SYTL2: variants seen among roughly 807,000 people sequenced by gnomAD.
SYTL2 encodes the protein synaptotagmin-like protein 2.
SYTL2 carries 165 observed loss-of-function variants against 198.7 expected under a neutral mutation model. The observed-to-expected ratio is 0.83, with a 90% CI of 0.73 to 0.94. The LOEUF is 0.94. Among genes scored for constraint, SYTL2 ranks in the 40% least tolerant of loss-of-function variants. The pLI is 0.00. For missense variants in SYTL2, 2,835 were observed against 2,582.8 expected (o/e 1.10, Z -2.12); for synonymous variants, 966 against 917.7 (o/e 1.05, Z -0.95).
rs1229793371 is a variant in SYTL2 at position 85,727,459 on chromosome 11, T to A, written c.1899A>T (p.Pro633=). The change falls in exon 8 of 20, where the codon CCA becomes CCT. Residue 633 remains proline, a synonymous_variant. Coordinates refer to ENST00000359152, the MANE Select transcript of SYTL2 (RefSeq NM_206927.4). ...GACTTGGGGTGCCATAGCTTTCAAA[T>A]GGTTGCAATATACCTGGGCCTTCCT... The part of the protein sequence containing the change: ...TPKEGPGILQ[P]FESYGTPSQG... The A allele has an allele frequency of 6.5e-7, 1 of 1,535,982 alleles. No individual in the cohort carries two copies. Among genetic ancestry groups the A allele is most frequent in the Non-Finnish European group, 8.7e-7 (1 of 1,146,896 alleles).
chr11:85,774,571 T>C (rs929324426), intron 1 of SYTL2, among the ~76,000 whole-genome samples: 1 of 150,858 alleles, frequency 6.6e-6, no homozygotes, highest in Non-Finnish European at 1.5e-5. Flanking sequence ...AGATAGAATG[T>C]TGTTAAACTT....
chr11:85,766,784 G>A (rs919370500), intron 1 of SYTL2, among the ~76,000 whole-genome samples: 8 of 152,180 alleles, frequency 5.3e-5, no homozygotes, highest in African/African-American at 1.9e-4. Context: ...AAAGGCAGTG[G>A]GCTATAAAAC....
intron 9 of SYTL2, among the ~76,000 whole-genome samples, chr11:85,720,035 T>C (rs753127434): frequency 1.3e-5 from 2 of 152,178 alleles, no homozygotes; most frequent in Non-Finnish European, 2.9e-5. Flanking sequence ...AAATCATGGT[T>C]TCTTAGTCCA....
rs2089395928 is a variant in SYTL2, at chr11:85,727,900, C to T, written c.1458G>A (p.Gln486=). Residue 486 remains glutamine, a synonymous_variant, in exon 8 of 20, where the codon CAG becomes CAA. Coordinates refer to ENST00000359152, the MANE Select transcript of SYTL2 (RefSeq NM_206927.4). ...CCGGGAGAGGAGGGGGCTTACCTTG[C>T]TGACGGTCTCTAGAACTGCCACCTG... ...QVPGGSSRDR[Q]QGKPPPLPAL... 1 of 1,613,746 alleles carries T rather than the reference C, an allele frequency of 6.2e-7. No homozygotes were observed. The highest frequency in any genetic ancestry group is 1.7e-5 in the Admixed American group (1 of 59,950).
At chr11:85,853,413 G>A in the SYTL2 span, 1 of 411,034 alleles carries the variant, frequency 2.4e-6, no homozygotes, top group Admixed American at 2.9e-5. Flanking sequence ...GGGTTAAATG[G>A]ATTAAGGGCG....
intron 2 of SYTL2, among the ~76,000 whole-genome samples, chr11:85,756,493 G>C (rs769889152): frequency 1.3e-5 from 2 of 152,132 alleles, no homozygotes; most frequent in African/African-American, 4.8e-5. Context: ...ACTGGGATTT[G>C]ATTCTCACTT....
chr11:85,737,523 A>G, intron 5 of SYTL2, 52 bp downstream of exon 5: 1 of 1,441,116 alleles, frequency 6.9e-7, no homozygotes, highest in Non-Finnish European at 9.7e-7. Context: ...ACAATGAGGA[A>G]AAATGGCATT....
chr11:85,714,370 C>T, intron 12 of SYTL2, 43 bp downstream of exon 12: 1 of 1,497,018 alleles, frequency 6.7e-7, no homozygotes, highest in Non-Finnish European at 9.3e-7. Flanking sequence ...GCAATTCCAA[C>T]CCTCTGTCTC....
intron 1 of SYTL2, among the ~76,000 whole-genome samples, chr11:85,769,982 C>G (rs1255804350): frequency 1.3e-5 from 2 of 152,138 alleles, no homozygotes; most frequent in African/African-American, 4.8e-5. Context: ...AAACAAAGGG[C>G]CTCATTTCAC....
rs1329162256 is a variant in SYTL2, at chr11:85,727,083, C to T, written c.2275G>A (p.Ala759Thr). 4 of 1,535,782 alleles carry T rather than the reference C, an allele frequency of 2.6e-6. No homozygotes were observed. In the African/African-American group the frequency reaches 4.1e-5, roughly 16 times the overall value. Reference protein sequence around the residue: ...PENIKSTPGVANNGSPWKKPE... With the variant: ...PENIKSTPGVTNNGSPWKKPE... ...TTCTTCCAAGGAGAGCCATTGTTGG[C>T]AACCCCAGGTGTTGACTTAATATTC... Residue 759 changes from alanine to threonine, a missense_variant, in exon 8 of 20, where the codon GCC becomes ACC. Coordinates refer to ENST00000359152, the MANE Select transcript of SYTL2 (RefSeq NM_206927.4).
chr11:85,826,275 C>A, the SYTL2 span, among the ~76,000 whole-genome samples: 4 of 152,184 alleles, frequency 2.6e-5, no homozygotes, highest in African/African-American at 9.7e-5. Context: ...TGCTGGAAGA[C>A]ATCTAGTGGC....
intron 14 of SYTL2, 49 bp from the exon 15 acceptor site, chr11:85,707,580 T>C (rs2085401080): frequency 8.2e-7 from 1 of 1,216,790 alleles, no homozygotes; most frequent in Admixed American, 1.9e-5. Context: ...AAAAGTTATG[T>C]TTCCACCTCT....
At chr11:85,784,369 GA>G (rs543040078) in intron 1 of SYTL2, among the ~76,000 whole-genome samples, 4,038 of 129,468 alleles carry the variant, frequency 0.031, 73 homozygotes, top group Admixed American at 0.046. Flanking sequence ...CACCAAAATA[GA>G]AAAAAAAAAA....
chr11:85,718,629 A>T, intron 10 of SYTL2, 161 bp downstream of exon 10: 1 of 638,544 alleles, frequency 1.6e-6, no homozygotes, highest in Non-Finnish European at 2.7e-6. Context: ...ACTATATTAA[A>T]TGTACCAAAT....
At chr11:85,851,266 T>A in the SYTL2 span, among the ~76,000 whole-genome samples, 1 of 152,250 alleles carries the variant, frequency 6.6e-6, no homozygotes, top group Non-Finnish European at 1.5e-5. Flanking sequence ...ACAAAGTTAT[T>A]GGACAGGAAG....
chr11:85,790,690 A>AT (rs2092715478), intron 1 of SYTL2, among the ~76,000 whole-genome samples: 2 of 152,164 alleles, frequency 1.3e-5, no homozygotes, highest in African/African-American at 4.8e-5. Context: ...AAACTTGAAG[A>AT]TTCTCGCTTG....
chr11:85,728,070 T>A, intron 7 of SYTL2, 103 bp from the exon 8 acceptor site: 1 of 984,032 alleles, frequency 1.0e-6, no homozygotes, highest in South Asian at 1.8e-5. Context: ...ATTTGCACTT[T>A]CTATACCAAT....
At chr11:85,738,716 C>T in intron 4 of SYTL2, among the ~76,000 whole-genome samples, 1 of 152,238 alleles carries the variant, frequency 6.6e-6, no homozygotes, top group Middle Eastern at 3.4e-3. Flanking sequence ...TCCCTATAGT[C>T]GATGCTATGC....
In SYTL2 at chr11:85,722,170, ATTT is replaced by A. The variant is rs574669583; in HGVS notation, c.5327-1214_5327-1212del. Among the ~76,000 whole-genome samples the A allele has an allele frequency of 7.6e-3, 718 of 94,470 alleles. 3 individuals are homozygous for A. The highest frequency in any genetic ancestry group is 0.029 in the African/African-American group (625 of 21,456). 62.0% of individuals were successfully genotyped at this position (94,470 alleles called of 152,430 possible). On this transcript the variant is annotated intron_variant, in intron 8 of 19. Coordinates refer to ENST00000359152, the MANE Select transcript of SYTL2 (RefSeq NM_206927.4). ...GTCTTCTCTGGGCTCTGTTTAGGTG[ATTT>A]TTTTTTTTTTTTTTTTTTTTTTTGA...
Sources: gnomAD v4.1 joint callset for allele counts (sites outside exome capture counted in the v4.1 genomes callset) on GRCh38, gnomAD v4.1.1 for gene constraint, MANE v1.5 for transcripts, NCBI Gene and HGNC (gene_info 2026-07-23, HGNC 2026-07-21) for gene names.